TUT4: variants seen among roughly 807,000 people sequenced by gnomAD.
TUT4 encodes the protein terminal uridylyltransferase 4.
TUT4 carries 36 observed loss-of-function variants against 192.2 expected under a neutral mutation model. That is an observed-to-expected ratio of 0.19 (90% CI 0.14 to 0.25). TUT4 has a LOEUF of 0.25. Among genes scored for constraint, TUT4 ranks in the 10% least tolerant of loss-of-function variants. TUT4 has a pLI of 1.00. For synonymous variants in TUT4, 618 were observed against 666.0 expected (o/e 0.93, Z 1.11); for missense variants, 1,493 against 1,957.2 (o/e 0.76, Z 4.47).
At chr1:52,495,149 T>C (rs973986471) in intron 6 of TUT4, among the ~76,000 whole-genome samples, 1 of 152,174 alleles carries the variant, frequency 6.6e-6, no homozygotes, top group Non-Finnish European at 1.5e-5. Flanking sequence ...CCTTCTATAC[T>C]GCTTACCAGA....
chr1:52,510,000 T>G (rs1676668070), intron 3 of TUT4, among the ~76,000 whole-genome samples: 1 of 152,132 alleles, frequency 6.6e-6, no homozygotes, highest in Non-Finnish European at 1.5e-5. Flanking sequence ...CCTACTATCA[T>G]CTTTAGAATC....
chr1:52,457,686 C>T (rs1661372687), intron 20 of TUT4, among the ~76,000 whole-genome samples: 1 of 152,194 alleles, frequency 6.6e-6, no homozygotes, highest in African/African-American at 2.4e-5. Context: ...GCCTACAAAT[C>T]TACTTTGTGC....
intron 1 of TUT4, among the ~76,000 whole-genome samples, chr1:52,552,142 G>A (rs1045644687): frequency 2.0e-5 from 3 of 152,178 alleles, no homozygotes; most frequent in African/African-American, 4.8e-5. Flanking sequence ...TGTAATCAAC[G>A]TTGTTAATAC....
intron 1 of TUT4, among the ~76,000 whole-genome samples, chr1:52,531,778 T>C (rs1276114187): frequency 1.3e-5 from 2 of 151,926 alleles, no homozygotes; most frequent in Non-Finnish European, 2.9e-5. Context: ...CTCAGATAAG[T>C]ATGCCTCTTC....
chr1:52,516,143 G>T (rs1303258703), intron 2 of TUT4, 89 bp from the exon 3 acceptor site: 13 of 1,007,926 alleles, frequency 1.3e-5, no homozygotes, highest in East Asian at 5.2e-5. Flanking sequence ...TTTATACACA[G>T]AAAAAATATT....
chr1:52,461,296 A>G (rs1393711327), intron 18 of TUT4, 73 bp from the exon 19 acceptor site: 1 of 1,388,004 alleles, frequency 7.2e-7, no homozygotes, highest in African/African-American at 1.4e-5. Flanking sequence ...TTTAAAAGTA[A>G]AATACACTCC....
rs759067118 is a variant in TUT4 at position 52,475,459 on chromosome 1, A to G, written c.2100T>C (p.Phe700=). 4 of 1,614,014 alleles carry G rather than the reference A, an allele frequency of 2.5e-6. No individual in the cohort carries two copies. In the African/African-American group the frequency reaches 5.3e-5, roughly 22 times the overall value. Residue 700 remains phenylalanine, a synonymous_variant, in exon 13 of 30, where the codon TTT becomes TTC. Transcript: ENST00000257177. ...QLVYEYVVER[F]RAAYRYFACP... Reference sequence around the variant, plus strand: ...AGGCAAAATACCGATAAGCTGCCCTAAATCTCTCCACAACATATTCGTAAA... The same window carrying G: ...AGGCAAAATACCGATAAGCTGCCCTGAATCTCTCCACAACATATTCGTAAA...
intron 1 of TUT4, among the ~76,000 whole-genome samples, chr1:52,532,658 A>C (rs550432694): frequency 1.3e-5 from 2 of 152,226 alleles, no homozygotes; most frequent in South Asian, 2.1e-4. Flanking sequence ...GGATTTAGCT[A>C]TCTCAAATAT....
At chr1:52,493,230 C>T (rs1316425520) in intron 7 of TUT4, among the ~76,000 whole-genome samples, 1 of 152,038 alleles carries the variant, frequency 6.6e-6, no homozygotes, top group Non-Finnish European at 1.5e-5. Flanking sequence ...ACTACAGGTA[C>T]GTGCCACCAC....
chr1:52,482,559 T>C (rs928184777), intron 9 of TUT4, among the ~76,000 whole-genome samples: 2 of 152,136 alleles, frequency 1.3e-5, no homozygotes, highest in African/African-American at 4.8e-5. Flanking sequence ...TCCACATAGC[T>C]GGGACTACAG....
At chr1:52,435,550 A>G (rs1473292277) in intron 26 of TUT4, 85 bp from the exon 27 acceptor site, 1 of 1,014,716 alleles carries the variant, frequency 9.9e-7, no homozygotes. Context: ...CTTATGTAAA[A>G]GAATCTCAAA....
At chr1:52,451,390 C>T (rs1659380977) in intron 20 of TUT4, among the ~76,000 whole-genome samples, 1 of 152,112 alleles carries the variant, frequency 6.6e-6, no homozygotes, top group Non-Finnish European at 1.5e-5. Context: ...AAACAAATCA[C>T]TCCTAGCCAG....
intron 14 of TUT4, among the ~76,000 whole-genome samples, chr1:52,471,008 C>CTT (rs771331613): frequency 0.017 from 1,437 of 82,134 alleles, 299 homozygotes; most frequent in African/African-American, 0.074. Context: ...GCACTCTATG[C>CTT]TTTTTTTTTT....
At chr1:52,543,514 C>T (rs1384184026) in intron 1 of TUT4, among the ~76,000 whole-genome samples, 9 of 146,476 alleles carry the variant, frequency 6.1e-5, no homozygotes, top group Non-Finnish European at 1.0e-4. Context: ...GATGGAGTCT[C>T]GCTCTCTCTC....
At position 52,488,965 on chromosome 1, in the gene TUT4, C is replaced by T. The variant is rs1189279299; in HGVS notation, c.1459G>A (p.Gly487Ser). The T allele has an allele frequency of 6.2e-7, 1 of 1,613,700 alleles. No individual in the cohort carries two copies. Among genetic ancestry groups the T allele is most frequent in the African/African-American group, 1.3e-5 (1 of 74,900 alleles). ...CLTTDLLTAL[G>S]KIEPVFIPLV... ...GGAATAAAGACAGGTTCTATTTTGC[C>T]AAGGGCAGTAAGTAAATCAGTAGTG... The change falls in exon 9 of 30, where the codon GGC becomes AGC. Residue 487 changes from glycine to serine, a missense_variant. Around this residue, in one of 7 missense-constraint regions of TUT4, gnomAD observed 437 missense variants for 577.6 expected, o/e 0.76. Transcript: ENST00000257177.
In TUT4 at chr1:52,526,233, C is replaced by A. The variant is rs753543452; in HGVS notation, c.48G>T (p.Lys16Asn). Residue 16 changes from lysine to asparagine, a missense_variant, in exon 2 of 30, where the codon AAG becomes AAT. Transcript: ENST00000257177. ...CTTTGCTTTCTTCACAAATAACATTCTTCTTTGGTTCATGATTTTCACTTT... is the reference window on the plus strand; with the variant it reads ...CTTTGCTTTCTTCACAAATAACATTATTCTTTGGTTCATGATTTTCACTTT... ...TLKSENHEPK[K>N]NVICEESKAV... 4.4e-6 allele frequency: 7 copies of A among 1,589,896 alleles called. No individual in the cohort carries two copies. The highest frequency in any genetic ancestry group is 6.0e-6 in the Non-Finnish European group (7 of 1,174,212).
intron 8 of TUT4, 111 bp from the exon 9 acceptor site, chr1:52,489,146 A>T (rs17364914): frequency 0.037 from 40,465 of 1,083,482 alleles, 892 homozygotes; most frequent in South Asian, 0.068. Flanking sequence ...ATAGTACCGT[A>T]AAAGCCCTAA....
rs190488777 is a variant in TUT4 at position 52,481,453 on chromosome 1, T to G, written c.1818A>C (p.Gln606His). ...CATGTTTTTCCTTCATGGCATTACT[T>G]TGGTTGTCTGTTTCTGTCTTCTTGG... ...DDTKKTETDNQSNAMKEKHGK... is the reference protein window; with the variant it reads ...DDTKKTETDNHSNAMKEKHGK... The change falls in exon 11 of 30, where the codon CAA becomes CAC. Residue 606 changes from glutamine to histidine, a missense_variant. By Grantham distance (24) the Gln-to-His change is conservative. Around this residue, in one of 7 missense-constraint regions of TUT4, gnomAD observed 437 missense variants for 577.6 expected, o/e 0.76. Transcript: ENST00000257177. 8.7e-6 allele frequency: 14 copies of G among 1,614,006 alleles called. No individual in the cohort carries two copies. Among genetic ancestry groups the G allele is most frequent in the Admixed American group, 3.3e-5 (2 of 60,020 alleles).
chr1:52,450,106 G>A (rs915925443), intron 20 of TUT4, among the ~76,000 whole-genome samples: 8 of 152,064 alleles, frequency 5.3e-5, no homozygotes, highest in Non-Finnish European at 7.4e-5. Context: ...TCTTTTTGAC[G>A]TAAAGAACTT....
Sources: allele counts gnomAD v4.1 joint callset (sites outside exome capture counted in the v4.1 genomes callset), GRCh38; gene constraint gnomAD v4.1.1; regional missense constraint gnomAD v4.1.1; transcripts MANE v1.5; gene names NCBI Gene and HGNC (gene_info 2026-07-23, HGNC 2026-07-21).